RNPEP: variants seen among roughly 807,000 people sequenced by gnomAD.
The protein encoded by RNPEP is arginyl aminopeptidase.
Under a neutral mutation model 70.1 loss-of-function variants are expected in RNPEP, and 57 were observed. That is an observed-to-expected ratio of 0.81 (90% CI 0.66 to 1.01). RNPEP has a LOEUF of 1.01. Among genes scored for constraint, RNPEP ranks in the 50% least tolerant of loss-of-function variants. The pLI is 0.00. For synonymous variants in RNPEP, 335 were observed against 357.4 expected, an observed-to-expected ratio of 0.94 and a Z score of 0.71; for missense variants, 787 against 852.4, an observed-to-expected ratio of 0.92 and a Z score of 0.96.
intron 6 of RNPEP, 169 bp downstream of exon 6, chr1:202,000,184 C>A: frequency 1.8e-6 from 1 of 555,824 alleles, no homozygotes; most frequent in Non-Finnish European, 3.2e-6. Flanking sequence ...TGACTGAACC[C>A]AAGCCATTGC....
rs753194356 is a variant in RNPEP, at chr1:201,983,110, C to T, written c.444C>T (p.Pro148=). 2 of 1,479,260 alleles carry T rather than the reference C, an allele frequency of 1.4e-6. No individual in the cohort carries two copies. The highest frequency in any genetic ancestry group is 1.8e-6 in the Non-Finnish European group (2 of 1,124,646). The allele number at this position is 1,479,260 out of a possible 1,614,324, so 91.6% of individuals were successfully genotyped here. The part of the protein sequence containing the change: ...VLLTYRVGEG[P]GVCWLAPEQT... ...TCACCTACCGCGTCGGGGAGGGACC[C>T]GGGGTGAGTGCGCCCCAGACTGCGC... Residue 148 remains proline, a synonymous_variant, in exon 1 of 11, where the codon CCC becomes CCT. Coordinates refer to ENST00000295640, the MANE Select transcript of RNPEP (RefSeq NM_020216.4).
rs1376183425 is a variant in RNPEP at position 201,983,100 on chromosome 1, G to A, written c.434G>A (p.Gly145Glu). The A allele has an allele frequency of 7.3e-6, 11 of 1,500,250 alleles. No homozygotes were observed. Among genetic ancestry groups the A allele is most frequent in the Non-Finnish European group, 8.8e-6 (10 of 1,133,792 alleles). The allele number at this position is 1,500,250 out of a possible 1,614,324, so 92.9% of individuals were successfully genotyped here. The change falls in exon 1 of 11, where the codon GGG (glycine) becomes GAG (glutamate). Residue 145 changes from glycine (G) to glutamate (E), a missense_variant. Transcript: ENST00000295640. ...CAGGTGCTGCTCACCTACCGCGTCG[G>A]GGAGGGACCCGGGGTGAGTGCGCCC... ...RLQVLLTYRV[G>E]EGPGVCWLAP... is the part of the protein sequence containing the mutation.
chr1:201,995,192 T>C (rs117228437), intron 3 of RNPEP, among the ~76,000 whole-genome samples: 1 of 152,278 alleles, frequency 6.6e-6, no homozygotes, highest in East Asian at 1.9e-4. Context: ...ATTTAGAAAA[T>C]TGAAAGGATG....
At chr1:202,002,233 G>A (rs1337475283) in intron 8 of RNPEP, among the ~76,000 whole-genome samples, 5 of 149,728 alleles carry the variant, frequency 3.3e-5, no homozygotes, top group Admixed American at 1.3e-4. Context: ...GCACGATCTC[G>A]GCTCACCGCA....
chr1:201,983,870 C>T, intron 1 of RNPEP: 1 of 996,802 alleles, frequency 1.0e-6, no homozygotes. Context: ...GCTGTGGCTG[C>T]CAGTTATCTC....
intron 4 of RNPEP, among the ~76,000 whole-genome samples, chr1:201,996,857 C>T (rs11581656): frequency 0.09 from 13,653 of 152,068 alleles, 830 homozygotes; most frequent in Non-Finnish European, 0.13. Context: ...GGGGCAGCAC[C>T]GTCAAGGTCC....
At position 202,000,199 on chromosome 1, in the gene RNPEP, A is replaced by C. The variant is rs546006939; in HGVS notation, c.1204+184A>C. 3 of 547,758 alleles carry C rather than the reference A, an allele frequency of 5.5e-6. No homozygotes were observed. In the South Asian group the frequency reaches 7.4e-5, roughly 13 times the overall value. 33.9% of individuals were successfully genotyped at this position (547,758 alleles called of 1,614,324 possible). On this transcript the variant is annotated intron_variant, in intron 6 of 10. Transcript: ENST00000295640. ...TGACTGAACCCAAGCCATTGCAGCC[A>C]GATAGGAGTTCTGTCCAGTCTGTGC...
intron 1 of RNPEP, among the ~76,000 whole-genome samples, chr1:201,986,036 T>G (rs1683119970): frequency 6.6e-6 from 1 of 152,234 alleles, no homozygotes; most frequent in Non-Finnish European, 1.5e-5. Flanking sequence ...CAAGTGATCC[T>G]CCTGCCTCAG....
Position 202,003,380 on chromosome 1 carries a change from G to A in RNPEP, c.1570G>A (p.Ala524Thr). The A allele has an allele frequency of 6.2e-7, 1 of 1,614,144 alleles. No homozygotes were observed. Among genetic ancestry groups the A allele is most frequent in the Non-Finnish European group, 8.5e-7 (1 of 1,180,002 alleles). Residue 524 changes from alanine (A) to threonine (T), a missense_variant, in exon 9 of 11, where the codon GCC becomes ACC. Coordinates refer to ENST00000295640, the MANE Select transcript of RNPEP (RefSeq NM_020216.4). Reference protein sequence around the residue: ...AEELDMKAIEAVAISPWKTYQ... With the variant: ...AEELDMKAIETVAISPWKTYQ... Reference sequence around the variant, plus strand: ...GGAGCTGGACATGAAGGCCATTGAAGCCGTGGCCATCTCTCCCTGGAAGAC... The same window carrying A: ...GGAGCTGGACATGAAGGCCATTGAAACCGTGGCCATCTCTCCCTGGAAGAC...
chr1:201,999,045 C>CGGGGG (rs377504367), intron 5 of RNPEP, among the ~76,000 whole-genome samples: 1 of 152,024 alleles, frequency 6.6e-6, no homozygotes. Context: ...GTGAAACCCC[C>CGGGGG]GTCTCTACTA....
Position 201,999,959 on chromosome 1 carries a change from T to C in RNPEP, c.1148T>C (p.Met383Thr). Residue 383 changes from methionine (M) to threonine (T), a missense_variant, in exon 6 of 11, where the codon ATG becomes ACG. Physicochemically the swap from Met to Thr is moderately conservative, Grantham distance 81 (BLOSUM62 -1). Coordinates refer to ENST00000295640, the MANE Select transcript of RNPEP (RefSeq NM_020216.4). ...ATGRALLRQH[M>T]DITGEENPLN... ...GGGCGGGCTCTGCTGCGTCAGCACA[T>C]GGACATCACTGGAGAGGAAAACCCA... The C allele has an allele frequency of 6.2e-7, 1 of 1,614,040 alleles. No homozygotes were observed. Among genetic ancestry groups the C allele is most frequent in the Non-Finnish European group, 8.5e-7 (1 of 1,179,968 alleles).
intron 8 of RNPEP, 27 bp from the exon 9 acceptor site, chr1:202,003,210 G>A (rs778933188): frequency 5.1e-6 from 8 of 1,567,866 alleles, no homozygotes; most frequent in Non-Finnish European, 2.6e-6. Context: ...AGAGAATTCT[G>A]ATAGTGTCTT....
Position 202,003,434 on chromosome 1 carries a change from A to G in RNPEP, c.1624A>G (p.Ile542Val). Residue 542 changes from isoleucine (I) to valine (V), a missense_variant, in exon 9 of 11, where the codon ATC (isoleucine) becomes GTC (valine). Physicochemically the swap from Ile to Val is conservative, Grantham distance 29 (BLOSUM62 3). Transcript: ENST00000295640. The stretch of plus-strand genomic sequence containing the variant: ...CCAGCTGGTCTACTTCCTGGATAAG[A>G]TCCTCCAGAAATCCCCTCTCCCTCC... ...TYQLVYFLDK[I>V]LQKSPLPPGN... is the part of the protein sequence containing the mutation. 6.2e-7 allele frequency: 1 copy of G among 1,613,732 alleles called. No homozygotes were observed. The highest frequency in any genetic ancestry group is 8.5e-7 in the Non-Finnish European group (1 of 1,179,808).
chr1:201,987,061 T>C (rs971167960), intron 1 of RNPEP, among the ~76,000 whole-genome samples: 6 of 152,156 alleles, frequency 3.9e-5, no homozygotes, highest in Admixed American at 3.9e-4. Context: ...GTAGCTTCCT[T>C]ATGCCTCTTA....
At chr1:202,001,562 G>A (rs1320402754) in intron 7 of RNPEP, 74 bp downstream of exon 7, 18 of 1,439,046 alleles carry the variant, frequency 1.3e-5, no homozygotes, top group Non-Finnish European at 1.8e-5. Context: ...GAGGCAGGGG[G>A]CGAAAGATGT....
intron 3 of RNPEP, among the ~76,000 whole-genome samples, chr1:201,992,464 G>C (rs1046433055): frequency 6.6e-6 from 1 of 151,994 alleles, no homozygotes; most frequent in Non-Finnish European, 1.5e-5. Context: ...AACTTTTAAG[G>C]CCCTTGAGCC....
At chr1:201,994,396 C>T (rs577141234) in intron 3 of RNPEP, among the ~76,000 whole-genome samples, 14 of 152,214 alleles carry the variant, frequency 9.2e-5, no homozygotes, top group African/African-American at 3.1e-4. Flanking sequence ...CTTCATGACC[C>T]GACCCTCTTG....
intron 3 of RNPEP, 90 bp from the exon 4 acceptor site, chr1:201,996,057 G>A (rs967834593): frequency 1.3e-5 from 13 of 994,612 alleles, no homozygotes; most frequent in Middle Eastern, 2.5e-4. Flanking sequence ...TTCACTTGGC[G>A]GAGGCCAATT....
At chr1:201,983,751 T>G (rs901725761) in intron 1 of RNPEP, 7 of 1,113,914 alleles carry the variant, frequency 6.3e-6, no homozygotes, top group Non-Finnish European at 7.7e-6. Context: ...TCACTGTTGG[T>G]TAACTCTTTA....
Sources: allele counts gnomAD v4.1 joint callset (sites outside exome capture counted in the v4.1 genomes callset), GRCh38; gene constraint gnomAD v4.1.1; transcripts MANE v1.5; gene names NCBI Gene and HGNC (gene_info 2026-07-23, HGNC 2026-07-21).